The following DCDC1 variants were observed in gnomAD, a reference collection of about 807,000 sequenced individuals.
DCDC1 encodes the protein doublecortin domain-containing protein 1.
In DCDC1, 200 loss-of-function variants were observed where a neutral mutation model predicts 178.3. That is an observed-to-expected ratio of 1.12 (90% confidence interval 1.00 to 1.26). DCDC1 has a LOEUF of 1.26. Among genes scored for constraint, DCDC1 ranks in the 50% most tolerant of loss-of-function variants. The probability of loss-of-function intolerance (pLI) is 0.00; values close to 1 mark genes in which losing one functional copy is unlikely to be tolerated. For synonymous variants in DCDC1, 690 were observed against 604.8 expected, an observed-to-expected ratio of 1.14 and a Z score of -2.07; for missense variants, 1,983 against 1,749.2, an observed-to-expected ratio of 1.13 and a Z score of -2.38.
chr11:30,922,007 AG>A (rs1590372033), intron 24 of DCDC1, among the ~76,000 whole-genome samples: 2 of 152,312 alleles, frequency 1.3e-5, no homozygotes, highest in East Asian at 3.9e-4. Flanking sequence ...AGGCTGAATC[AG>A]GGAGGTAGCA....
chr11:31,269,783 G>GA lies in DCDC1; in HGVS notation c.961-4184dup, dbSNP rs1321853581. Among the ~76,000 whole-genome samples, 4 of 152,042 alleles carry GA rather than the reference G, an allele frequency of 2.6e-5. No homozygotes were observed. In the East Asian group the frequency reaches 7.7e-4, roughly 29 times the overall value. On this transcript the variant is annotated intron_variant, in intron 7 of 38. Transcript: ENST00000684477. ...CAGAATCTTCTTGAAAAGCACCTGGGAAAAAATATTCCACAATGTTTTCAG... is the reference window on the plus strand; with the variant it reads ...CAGAATCTTCTTGAAAAGCACCTGGGAAAAAAATATTCCACAATGTTTTCAG...
chr11:31,005,249 ATT>A (rs1428904189), intron 20 of DCDC1, among the ~76,000 whole-genome samples: 1 of 152,200 alleles, frequency 6.6e-6, no homozygotes, highest in Non-Finnish European at 1.5e-5. Context: ...ACTGTATCGC[ATT>A]GTTAGTCCAC....
At chr11:31,313,899 T>C (rs1015725758) in intron 3 of DCDC1, among the ~76,000 whole-genome samples, 5 of 152,234 alleles carry the variant, frequency 3.3e-5, no homozygotes, top group African/African-American at 1.2e-4. Flanking sequence ...TGGGCTAATT[T>C]TATAACATAG....
intron 21 of DCDC1, among the ~76,000 whole-genome samples, chr11:30,937,211 C>A (rs1249789241): frequency 6.6e-6 from 1 of 152,074 alleles, no homozygotes; most frequent in African/African-American, 2.4e-5. Flanking sequence ...AACCTCAAAT[C>A]CCTCCCCTCT....
At chr11:30,903,200 G>A (rs936431624) in intron 32 of DCDC1, among the ~76,000 whole-genome samples, 1 of 151,994 alleles carries the variant, frequency 6.6e-6, no homozygotes, top group African/African-American at 2.4e-5. Context: ...AAATGATTAT[G>A]TTCCATAAAG....
At chr11:31,148,273 G>A (rs11031299) in intron 9 of DCDC1, among the ~76,000 whole-genome samples, 39,383 of 148,940 alleles carry the variant, frequency 0.26, 5,334 homozygotes, top group African/African-American at 0.32. Flanking sequence ...AAGGCCGGGC[G>A]CCGTGGCTCA....
chr11:31,083,472 G>A (rs1205809145), intron 17 of DCDC1, among the ~76,000 whole-genome samples: 2 of 152,156 alleles, frequency 1.3e-5, no homozygotes, highest in Non-Finnish European at 2.9e-5. Flanking sequence ...GAAGCAGTGA[G>A]AGCCAGCATG....
At chr11:31,170,502 G>T (rs1355163147) in intron 9 of DCDC1, among the ~76,000 whole-genome samples, 2 of 152,132 alleles carry the variant, frequency 1.3e-5, no homozygotes, top group African/African-American at 4.8e-5. Flanking sequence ...AACCTCTTGA[G>T]GCTTCTGTTT....
chr11:30,882,544 ACTC>A (rs1485433387), intron 36 of DCDC1: 1 of 151,926 alleles, frequency 6.6e-6, no homozygotes, highest in Non-Finnish European at 1.5e-5. Flanking sequence ...ATGCAGCCCT[ACTC>A]CTGCCAAATA....
chr11:31,102,128 G>A (rs767635207), intron 15 of DCDC1, 49 bp downstream of exon 15: 2 of 593,558 alleles, frequency 3.4e-6, no homozygotes, highest in South Asian at 4.0e-5. Flanking sequence ...TTGGTTGAGT[G>A]TCCAATACAT....
At chr11:31,276,609 T>C (rs965544961) in intron 7 of DCDC1, among the ~76,000 whole-genome samples, 2 of 152,176 alleles carry the variant, frequency 1.3e-5, no homozygotes, top group East Asian at 1.9e-4. Context: ...AAAATTATTA[T>C]CATTATGTTA....
intron 9 of DCDC1, among the ~76,000 whole-genome samples, chr11:31,232,141 C>G (rs1975848189): frequency 6.6e-6 from 1 of 152,196 alleles, no homozygotes; most frequent in Non-Finnish European, 1.5e-5. Context: ...CATACAGTGA[C>G]AGGATACTCT....
chr11:31,312,375 C>T (rs982161829), intron 3 of DCDC1, among the ~76,000 whole-genome samples: 2 of 152,134 alleles, frequency 1.3e-5, no homozygotes, highest in African/African-American at 4.8e-5. Flanking sequence ...GGTATTTGAA[C>T]TTATGTCTAC....
intron 27 of DCDC1, among the ~76,000 whole-genome samples, chr11:30,913,235 T>C (rs545678658): frequency 5.3e-5 from 8 of 152,106 alleles, no homozygotes; most frequent in Admixed American, 2.6e-4. Flanking sequence ...GATGAAACCC[T>C]GTCTCTACTA....
At chr11:31,128,898 A>C (rs552902894) in intron 10 of DCDC1, among the ~76,000 whole-genome samples, 24 of 152,108 alleles carry the variant, frequency 1.6e-4, no homozygotes, top group Non-Finnish European at 2.5e-4. Context: ...TATCTTTTCT[A>C]TCTCTATCAC....
intron 11 of DCDC1, among the ~76,000 whole-genome samples, chr11:31,119,506 T>A (rs1381437393): frequency 6.6e-6 from 1 of 152,126 alleles, no homozygotes; most frequent in Non-Finnish European, 1.5e-5. Flanking sequence ...GATCAAGGAA[T>A]GTACAATGGA....
rs184242614 is a variant in DCDC1, at chr11:31,146,094, A to G, written c.1222-8310T>C. 1.9e-3 allele frequency among the ~76,000 whole-genome samples: 270 copies of G among 144,110 alleles called. 1 individual carries two copies. Among genetic ancestry groups the G allele is most frequent in the African/African-American group, 6.6e-3 (259 of 38,964 alleles). The allele number at this position is 144,110 out of a possible 152,430, so 94.5% of individuals were successfully genotyped here. On this transcript the variant is annotated intron_variant, in intron 9 of 38. Transcript: ENST00000684477. ...CAGTCTTTTTTTTTTTTTTTTTGAG[A>G]AGGAGTCTCGCTCTGTTGCCCAGAC...
chr11:30,954,816 A>G (rs1181987517), intron 20 of DCDC1, among the ~76,000 whole-genome samples: 1 of 152,182 alleles, frequency 6.6e-6, no homozygotes, highest in East Asian at 1.9e-4. Flanking sequence ...ATCCATCCAT[A>G]GTACTTGGCC....
At chr11:30,888,641 C>G (rs1943519551) in intron 36 of DCDC1, among the ~76,000 whole-genome samples, 1 of 152,162 alleles carries the variant, frequency 6.6e-6, no homozygotes, top group African/African-American at 2.4e-5. Flanking sequence ...CGCTTGAACC[C>G]AGGAGGCGGA....
Sources: allele counts gnomAD v4.1 joint callset (sites outside exome capture counted in the v4.1 genomes callset), GRCh38; gene constraint gnomAD v4.1.1; transcripts MANE v1.5; gene names NCBI Gene and HGNC (gene_info 2026-07-23, HGNC 2026-07-21).